The following CERS3 variants were observed in gnomAD, a reference collection of about 807,000 sequenced individuals.
The protein encoded by CERS3 is LAG1 homolog, ceramide synthase 3.
CERS3 carries 33 observed loss-of-function variants against 50.3 expected under a neutral mutation model. That is an observed-to-expected ratio of 0.66 (90% confidence interval 0.50 to 0.88). CERS3 has a LOEUF of 0.88. Ranked by LOEUF, CERS3 falls within the 40% of genes least tolerant of loss-of-function variation. The probability of loss-of-function intolerance (pLI) is 0.00; values close to 1 mark genes in which losing one functional copy is unlikely to be tolerated. For synonymous variants in CERS3, 176 were observed against 155.2 expected (o/e 1.13, Z -0.99); for missense variants, 470 against 460.3 (o/e 1.02, Z -0.19).
chr15:100,445,069 G>A (rs372675106), intron 11 of CERS3, among the ~76,000 whole-genome samples: 17,590 of 148,042 alleles, frequency 0.12, 1,377 homozygotes, highest in Admixed American at 0.21. Context: ...AACTTAAAAA[G>A]GACTGGACAA....
At chr15:100,446,112 G>A (rs1414894088) in intron 11 of CERS3, among the ~76,000 whole-genome samples, 3 of 151,478 alleles carry the variant, frequency 2.0e-5, no homozygotes, top group East Asian at 2.0e-4. Flanking sequence ...CTCTCTTTTC[G>A]GACTCAGCCC....
chr15:100,421,163 T>C (rs1368541054), intron 11 of CERS3, among the ~76,000 whole-genome samples: 2 of 151,822 alleles, frequency 1.3e-5, no homozygotes, highest in Non-Finnish European at 2.9e-5. Flanking sequence ...GCAGACAACA[T>C]GATTGTATAT....
At chr15:100,427,612 C>G (rs1459685122) in intron 11 of CERS3, among the ~76,000 whole-genome samples, 1 of 152,170 alleles carries the variant, frequency 6.6e-6, no homozygotes, top group Non-Finnish European at 1.5e-5. Context: ...TGAGGCCCAC[C>G]TCAGTTTACC....
At chr15:100,473,831 TGTATGAATCCACA>T (rs1401440119) in intron 8 of CERS3, among the ~76,000 whole-genome samples, 1 of 152,200 alleles carries the variant, frequency 6.6e-6, no homozygotes, top group African/African-American at 2.4e-5. Context: ...CAAAAACTTG[TGTATGAATCCACA>T]GCATTACTCA....
rs2030608173 is a variant in CERS3, at chr15:100,402,354, C to T, written c.*359G>A. The stretch of plus-strand genomic sequence containing the variant: ...CTGGGAAAAATGAGATCACTTAGCA[C>T]CTGTGAAAGCGTCCTGAGGACAGGC... On this transcript the variant is annotated 3_prime_UTR_variant, in exon 12 of 12. Coordinates refer to ENST00000679737, the MANE Select transcript of CERS3 (RefSeq NM_001378789.1). The T allele has an allele frequency of 5.4e-6, 1 of 185,494 alleles. No homozygotes were observed. The highest frequency in any genetic ancestry group is 1.5e-4 in the East Asian group (1 of 6,556). The allele number at this position is 185,494 out of a possible 1,614,324, so 11.5% of individuals were successfully genotyped here.
intron 4 of CERS3, among the ~76,000 whole-genome samples, chr15:100,490,461 G>C (rs1292320764): frequency 6.6e-6 from 1 of 151,932 alleles, no homozygotes; most frequent in Non-Finnish European, 1.5e-5. Flanking sequence ...TGTCAGATAT[G>C]GGCTTCTCTG....
intron 10 of CERS3, among the ~76,000 whole-genome samples, chr15:100,465,948 C>T (rs553550237): frequency 9.9e-5 from 15 of 152,284 alleles, no homozygotes; most frequent in African/African-American, 3.1e-4. Context: ...CGTGAGCTAC[C>T]GTGCCTGGCC....
chr15:100,440,810 C>T (rs1040632267), intron 11 of CERS3, among the ~76,000 whole-genome samples: 1 of 152,244 alleles, frequency 6.6e-6, no homozygotes, highest in Non-Finnish European at 1.5e-5. Flanking sequence ...CCCTCAACCT[C>T]TTTCTCCTTT....
At chr15:100,479,220 C>A (rs2142263984) in intron 7 of CERS3, among the ~76,000 whole-genome samples, 1 of 151,740 alleles carries the variant, frequency 6.6e-6, no homozygotes, top group South Asian at 2.1e-4. Context: ...TAGATTTAAA[C>A]CCAAATATGT....
intron 11 of CERS3, among the ~76,000 whole-genome samples, chr15:100,433,723 GCACACA>G (rs143179775): frequency 3.7e-4 from 57 of 152,004 alleles, no homozygotes; most frequent in African/African-American, 1.3e-3. Context: ...GCACACATGT[GCACACA>G]CACACACACC....
intron 11 of CERS3, among the ~76,000 whole-genome samples, chr15:100,423,441 A>C (rs975048795): frequency 4.6e-5 from 7 of 152,212 alleles, no homozygotes; most frequent in Non-Finnish European, 8.8e-5. Flanking sequence ...TACAGCCATA[A>C]AAAAGAACAA....
chr15:100,423,086 T>TAA (rs79815816), intron 11 of CERS3, among the ~76,000 whole-genome samples: 2 of 59,250 alleles, frequency 3.4e-5, no homozygotes, highest in East Asian at 3.7e-4. Context: ...TAAAGTATAA[T>TAA]AAAAAAAAAA....
At chr15:100,497,623 A>C (rs191248753) in intron 3 of CERS3, among the ~76,000 whole-genome samples, 308 of 152,238 alleles carry the variant, frequency 2.0e-3, no homozygotes, top group African/African-American at 7.1e-3. Context: ...AAACAAAACT[A>C]ATCTCAAAGC....
rs12592841 is a variant in CERS3 at position 100,455,661 on chromosome 15, A to T, written c.999+232T>A. The stretch of plus-strand genomic sequence containing the variant: ...ATAATTTTTGAAGTTTTGACATTTT[A>T]AAAATGTCAAAAATAACATATCTTC... On this transcript the variant is annotated intron_variant, in intron 11 of 11. Coordinates refer to ENST00000679737, the MANE Select transcript of CERS3 (RefSeq NM_001378789.1). 0.19 allele frequency among the ~76,000 whole-genome samples: 29,343 copies of T among 152,130 alleles called. 3,322 individuals are homozygous for T. The highest frequency in any genetic ancestry group is 0.31 in the Admixed American group (4,797 of 15,280).
chr15:100,489,727 T>C (rs1408732408), intron 4 of CERS3, among the ~76,000 whole-genome samples: 1 of 152,174 alleles, frequency 6.6e-6, no homozygotes, highest in Non-Finnish European at 1.5e-5. Flanking sequence ...AGATGAATGA[T>C]GGCAGTCATT....
At chr15:100,405,000 T>C (rs1176378508) in intron 11 of CERS3, among the ~76,000 whole-genome samples, 1 of 152,126 alleles carries the variant, frequency 6.6e-6, no homozygotes, top group Non-Finnish European at 1.5e-5. Context: ...TATAAAACTT[T>C]AAAACTTTTA....
intron 11 of CERS3, among the ~76,000 whole-genome samples, chr15:100,454,972 A>G (rs2654585): frequency 0.25 from 38,485 of 152,116 alleles, 5,405 homozygotes; most frequent in East Asian, 0.41. Context: ...GCCAACAGAC[A>G]TGTGAAAAAA....
At chr15:100,406,781 A>G (rs548416796) in intron 11 of CERS3, among the ~76,000 whole-genome samples, 1 of 152,308 alleles carries the variant, frequency 6.6e-6, no homozygotes, top group East Asian at 1.9e-4. Context: ...ACAAGGGTAT[A>G]TTAATCTCTT....
At chr15:100,539,336 C>T (rs991872014) in intron 1 of CERS3, among the ~76,000 whole-genome samples, 3 of 152,146 alleles carry the variant, frequency 2.0e-5, no homozygotes, top group Non-Finnish European at 4.4e-5. Flanking sequence ...ATAGCAGCAC[C>T]CCACTCTCTG....
Sources: gnomAD v4.1 joint callset for allele counts (sites outside exome capture counted in the v4.1 genomes callset) on GRCh38, gnomAD v4.1.1 for gene constraint, MANE v1.5 for transcripts, NCBI Gene and HGNC (gene_info 2026-07-23, HGNC 2026-07-21) for gene names.